The following PTPRN2 variants were observed in gnomAD, a reference collection of about 807,000 sequenced individuals.
The protein encoded by PTPRN2 is receptor-type tyrosine-protein phosphatase N2.
In PTPRN2, 74 loss-of-function variants were observed where a neutral mutation model predicts 118.8. The observed-to-expected ratio is 0.62, with a 90% CI of 0.52 to 0.76. The LOEUF is 0.76. Ranked by LOEUF, PTPRN2 falls within the 30% of genes least tolerant of loss-of-function variation. The pLI, the probability that PTPRN2 is intolerant of heterozygous loss-of-function variation, is 0.00. For synonymous variants in PTPRN2, 641 were observed against 608.0 expected (o/e 1.05, Z -0.80); for missense variants, 1,481 against 1,394.4 (o/e 1.06, Z -0.99).
intron 11 of PTPRN2, among the ~76,000 whole-genome samples, chr7:157,919,474 A>G (rs1038800564): frequency 1.3e-5 from 2 of 152,326 alleles, no homozygotes; most frequent in South Asian, 2.1e-4. Flanking sequence ...ACAGTAAACA[A>G]AGTAGGCACT....
At chr7:157,573,571 A>C (rs1310209304) in intron 19 of PTPRN2, among the ~76,000 whole-genome samples, 1 of 152,220 alleles carries the variant, frequency 6.6e-6, no homozygotes, top group Non-Finnish European at 1.5e-5. Context: ...CCCAAACCAG[A>C]TACCCTTTAA....
rs1267839652 is a variant in PTPRN2, at chr7:157,598,682, A to T, written c.2419-3367T>A. On this transcript the variant is annotated intron_variant, in intron 16 of 22. Coordinates refer to ENST00000389418, the MANE Select transcript of PTPRN2 (RefSeq NM_002847.5). The surrounding 1 kb of genome is among the most constrained non-coding windows in gnomAD (Gnocchi z 5.2). ...CCCGAAACTGTCCGTGAAAACCTGTAAATTTATTAGGTGAACGCCAAGCTG... is the reference window on the plus strand; with the variant it reads ...CCCGAAACTGTCCGTGAAAACCTGTTAATTTATTAGGTGAACGCCAAGCTG... Among the ~76,000 whole-genome samples the T allele has an allele frequency of 6.6e-6, 1 of 152,204 alleles. No homozygotes were observed. The highest frequency in any genetic ancestry group is 1.5e-5 in the Non-Finnish European group (1 of 68,026).
chr7:158,176,337 T>A (rs953258736), intron 5 of PTPRN2, among the ~76,000 whole-genome samples: 2 of 152,164 alleles, frequency 1.3e-5, no homozygotes, highest in African/African-American at 4.8e-5. Context: ...CGGCTTTACA[T>A]GCCTTAATTT....
intron 2 of PTPRN2, among the ~76,000 whole-genome samples, chr7:158,327,178 CAT>C (rs1457965901): frequency 0.011 from 1,730 of 151,548 alleles, 40 homozygotes; most frequent in African/African-American, 0.039. Flanking sequence ...TGCACACACA[CAT>C]GCTCACATTC....
At chr7:158,487,138 T>C (rs1396092960) in intron 2 of PTPRN2, among the ~76,000 whole-genome samples, 1 of 152,222 alleles carries the variant, frequency 6.6e-6, no homozygotes, top group Non-Finnish European at 1.5e-5. Context: ...TACTATTCCA[T>C]CATGTGGATG....
In PTPRN2 at chr7:157,975,325, C is replaced by T. The variant is rs148759296; in HGVS notation, c.1724-76588G>A. On this transcript the variant is annotated intron_variant, in intron 11 of 22. Coordinates refer to ENST00000389418, the MANE Select transcript of PTPRN2 (RefSeq NM_002847.5). ...CCTTCAAGTTTCAATCCTGTACTTT[C>T]GGATAAGGACTGGATGCCAGCCCCT... Among the ~76,000 whole-genome samples, 707 of 152,296 alleles carry T rather than the reference C, an allele frequency of 4.6e-3. 6 individuals carry two copies. The highest frequency in any genetic ancestry group is 0.016 in the African/African-American group (676 of 41,554).
At chr7:157,997,861 G>GGGGGAGAGTAGTGCA (rs1271092577) in intron 11 of PTPRN2, among the ~76,000 whole-genome samples, 33 of 123,726 alleles carry the variant, frequency 2.7e-4, no homozygotes, top group African/African-American at 9.4e-4. Flanking sequence ...GTGCAGGGCT[G>GGGGGAGAGTAGTGCA]GGGGAGAGTA....
At chr7:158,039,865 A>C (rs1808329626) in intron 11 of PTPRN2, among the ~76,000 whole-genome samples, 1 of 152,214 alleles carries the variant, frequency 6.6e-6, no homozygotes, top group Non-Finnish European at 1.5e-5. Context: ...TAGTGAGAAA[A>C]CGGACAATGT....
intron 12 of PTPRN2, among the ~76,000 whole-genome samples, chr7:157,859,811 C>T (rs868579655): frequency 4.2e-5 from 5 of 117,654 alleles, no homozygotes; most frequent in East Asian, 2.4e-4. Context: ...AGGGAGAGTC[C>T]CCCAGCCACC....
intron 2 of PTPRN2, among the ~76,000 whole-genome samples, chr7:158,418,035 G>A (rs370126173): frequency 0.03 from 4,146 of 136,238 alleles, 57 homozygotes; most frequent in Middle Eastern, 0.078. Context: ...TCAGTGTCCC[G>A]CTGTGTTAAG....
rs1255649987 is a variant in PTPRN2, at chr7:157,983,453, G to T, written c.1724-84716C>A. ...TGAGGAGGGGAATGCAGAGTGCGGG[G>T]TCTCCCCCAAAACCCCGAGTCACAG... On this transcript the variant is annotated intron_variant, in intron 11 of 22. Transcript: ENST00000389418. Among the ~76,000 whole-genome samples the T allele has an allele frequency of 3.3e-5, 5 of 152,116 alleles. 1 individual carries two copies. The highest frequency in any genetic ancestry group is 9.7e-5 in the African/African-American group (4 of 41,404).
intron 6 of PTPRN2, among the ~76,000 whole-genome samples, chr7:158,142,097 G>T (rs1819441936): frequency 6.6e-6 from 1 of 152,190 alleles, no homozygotes; most frequent in Non-Finnish European, 1.5e-5. Context: ...GACATCTGGG[G>T]CCCTGCTGAC....
chr7:158,541,714 A>C (rs1825993870), intron 1 of PTPRN2: 1 of 1,241,592 alleles, frequency 8.1e-7, no homozygotes, highest in African/African-American at 1.6e-5. Flanking sequence ...AAGAAAATTA[A>C]AACACTTGCT....
At position 157,874,384 on chromosome 7, in the gene PTPRN2, T is replaced by C. The variant is rs115442438; in HGVS notation, c.1788+24289A>G. Among the ~76,000 whole-genome samples the C allele has an allele frequency of 2.0e-3, 312 of 152,294 alleles. 1 individual carries two copies. Among genetic ancestry groups the C allele is most frequent in the African/African-American group, 7.1e-3 (297 of 41,570 alleles). On this transcript the variant is annotated intron_variant, in intron 12 of 22. Transcript: ENST00000389418. This position sits in a 1 kb window ranked among gnomAD's most constrained non-coding sequence, Gnocchi z 5.8. Reference sequence around the variant, plus strand: ...GGTGAAGTGGACCTGACCCAGCTCCTGCTTTCTGCCCCCTCCTGTCCCCTC... The same window carrying C: ...GGTGAAGTGGACCTGACCCAGCTCCCGCTTTCTGCCCCCTCCTGTCCCCTC...
chr7:157,900,362 CTG>C (rs1797372870), intron 11 of PTPRN2, among the ~76,000 whole-genome samples: 1 of 152,234 alleles, frequency 6.6e-6, no homozygotes, highest in African/African-American at 2.4e-5. Flanking sequence ...GACCTGCAGA[CTG>C]TGGTTGCCAA....
chr7:157,946,586 C>T (rs939438739), intron 11 of PTPRN2, among the ~76,000 whole-genome samples: 12 of 152,232 alleles, frequency 7.9e-5, no homozygotes, highest in Non-Finnish European at 7.3e-5. Flanking sequence ...GATCCTCCAC[C>T]GGCTGCCTGG....
intron 2 of PTPRN2, among the ~76,000 whole-genome samples, chr7:158,429,554 C>A (rs558554504): frequency 1.3e-5 from 2 of 152,218 alleles, no homozygotes; most frequent in African/African-American, 4.8e-5. Context: ...CCCTCATTCC[C>A]GGCCTGGGAG....
intron 1 of PTPRN2, among the ~76,000 whole-genome samples, chr7:158,520,447 T>G (rs1823895730): frequency 6.6e-6 from 1 of 152,236 alleles, no homozygotes; most frequent in Admixed American, 6.5e-5. Flanking sequence ...GTTCATGCCC[T>G]TCGGTAGACA....
intron 11 of PTPRN2, among the ~76,000 whole-genome samples, chr7:158,071,213 TG>T (rs1184177513): frequency 1.0e-4 from 5 of 48,046 alleles, no homozygotes; most frequent in Non-Finnish European, 2.2e-4. Flanking sequence ...GTGCTCGTGG[TG>T]GTGGAGGTGC....
Sources: allele counts gnomAD v4.1 joint callset (sites outside exome capture counted in the v4.1 genomes callset), GRCh38; gene constraint gnomAD v4.1.1; non-coding constraint Gnocchi (gnomAD v3.1); transcripts MANE v1.5; gene names NCBI Gene and HGNC (gene_info 2026-07-23, HGNC 2026-07-21).